The following TBC1D1 variants were observed in gnomAD, a reference collection of about 807,000 sequenced individuals.
TBC1D1 encodes TBC1 (tre-2/USP6, BUB2, cdc16) domain family, member 1.
TBC1D1 carries 89 observed loss-of-function variants against 125.6 expected under a neutral mutation model. The observed-to-expected ratio is 0.71, with a 90% CI of 0.60 to 0.85. The LOEUF (loss-of-function observed/expected upper bound fraction) is 0.85. Ranked by LOEUF, TBC1D1 falls within the 40% of genes least tolerant of loss-of-function variation. The probability of loss-of-function intolerance (pLI) is 0.00; values close to 1 mark genes in which losing one functional copy is unlikely to be tolerated. For synonymous variants in TBC1D1, 565 were observed against 564.1 expected (o/e 1.00, Z -0.02); for missense variants, 1,377 against 1,469.2 (o/e 0.94, Z 1.03).
At chr4:37,951,215 TG>T (rs1444205538) in intron 2 of TBC1D1, among the ~76,000 whole-genome samples, 1 of 152,234 alleles carries the variant, frequency 6.6e-6, no homozygotes, top group Admixed American at 6.5e-5. Flanking sequence ...CGCTATTTAC[TG>T]TATACTGAAA....
chr4:37,915,060 C>G (rs1251065838), intron 2 of TBC1D1, among the ~76,000 whole-genome samples: 1 of 152,268 alleles, frequency 6.6e-6, no homozygotes, highest in Admixed American at 6.5e-5. Flanking sequence ...CCTGCCTGAG[C>G]TCTAAGAGAG....
intron 12 of TBC1D1, among the ~76,000 whole-genome samples, chr4:38,084,909 T>C (rs1397401500): frequency 2.0e-5 from 3 of 152,190 alleles, no homozygotes; most frequent in African/African-American, 7.2e-5. Context: ...GTCGTGTCTT[T>C]AAAAGGAGGA....
chr4:38,135,950 GTGTA>G (rs768141283), intron 19 of TBC1D1, among the ~76,000 whole-genome samples: 62 of 145,784 alleles, frequency 4.3e-4, no homozygotes, highest in African/African-American at 1.1e-3. Flanking sequence ...GTGTGTGTGT[GTGTA>G]TATATGTGTA....
chr4:38,015,456 C>T (rs1211589765), intron 3 of TBC1D1, among the ~76,000 whole-genome samples: 1 of 150,366 alleles, frequency 6.7e-6, no homozygotes, highest in Non-Finnish European at 1.5e-5. Flanking sequence ...TAGCCAATGG[C>T]TTGCTTGCTT....
intron 7 of TBC1D1, among the ~76,000 whole-genome samples, chr4:38,031,202 T>C (rs1301675442): frequency 6.6e-6 from 1 of 152,218 alleles, no homozygotes; most frequent in African/African-American, 2.4e-5. Context: ...ATAAAATATC[T>C]CCAAGTCTAA....
intron 2 of TBC1D1, among the ~76,000 whole-genome samples, chr4:37,923,181 C>T (rs967495403): frequency 6.6e-6 from 1 of 152,052 alleles, no homozygotes. Flanking sequence ...TGTTCAACTC[C>T]CACTTATGAG....
intron 15 of TBC1D1, among the ~76,000 whole-genome samples, chr4:38,104,760 T>A (rs1760981598): frequency 6.7e-6 from 1 of 150,184 alleles, no homozygotes; most frequent in Non-Finnish European, 1.5e-5. Flanking sequence ...TTTTTTTTTT[T>A]AATTTTTTTT....
At chr4:37,957,251 CAT>C (rs563626022) in intron 2 of TBC1D1, among the ~76,000 whole-genome samples, 50 of 152,340 alleles carry the variant, frequency 3.3e-4, no homozygotes, top group Middle Eastern at 3.4e-3. Context: ...TGATATGACA[CAT>C]GTTTTCATTC....
intron 2 of TBC1D1, among the ~76,000 whole-genome samples, chr4:37,993,100 G>T (rs558408470): frequency 6.6e-6 from 1 of 152,038 alleles, no homozygotes; most frequent in African/African-American, 2.4e-5. Flanking sequence ...CACCGCGCCC[G>T]GCCTGGTGAT....
chr4:37,915,245 T>G (rs1026289346), intron 2 of TBC1D1, among the ~76,000 whole-genome samples: 2 of 152,214 alleles, frequency 1.3e-5, no homozygotes, highest in Non-Finnish European at 2.9e-5. Context: ...GCTCCTGTAT[T>G]AGTCAGCATT....
intron 13 of TBC1D1, among the ~76,000 whole-genome samples, chr4:38,092,208 C>T (rs1379116729): frequency 6.6e-6 from 1 of 152,148 alleles, no homozygotes; most frequent in Non-Finnish European, 1.5e-5. Context: ...TAAGTATTCA[C>T]TTAATGTTGC....
intron 10 of TBC1D1, among the ~76,000 whole-genome samples, chr4:38,046,308 C>T (rs1282470703): frequency 1.3e-5 from 2 of 151,384 alleles, no homozygotes; most frequent in Admixed American, 1.3e-4. Context: ...GGAGGCGGAG[C>T]TTGCAGTGAG....
intron 6 of TBC1D1, among the ~76,000 whole-genome samples, chr4:38,026,637 CT>C (rs937405690): frequency 2.0e-5 from 3 of 151,590 alleles, no homozygotes; most frequent in Non-Finnish European, 4.4e-5. Context: ...ATAACCCATG[CT>C]TTTTTTTTCT....
chr4:37,942,216 C>G (rs1229149087), intron 2 of TBC1D1, among the ~76,000 whole-genome samples: 3 of 152,120 alleles, frequency 2.0e-5, no homozygotes, highest in South Asian at 2.1e-4. Context: ...CCTGTATTGG[C>G]TGCATATATA....
At chr4:37,919,373 C>T (rs569777286) in intron 2 of TBC1D1, among the ~76,000 whole-genome samples, 6 of 147,632 alleles carry the variant, frequency 4.1e-5, no homozygotes, top group African/African-American at 1.2e-4. Context: ...TTAATATAGA[C>T]GAGGGTTTCA....
rs1742253172 is a variant in TBC1D1 at position 38,014,636 on chromosome 4, C to T, written c.545C>T (p.Thr182Met). The change falls in exon 3 of 20, where the codon ACG becomes ATG. Residue 182 changes from threonine (T) to methionine (M), a missense_variant. Around this residue, in one of 3 missense-constraint regions of TBC1D1, gnomAD observed 822 missense variants for 824.6 expected, o/e 1.00. Transcript: ENST00000261439. This position sits in a 1 kb window ranked among gnomAD's most constrained non-coding sequence, Gnocchi z 5.1. ...GAGGTGCTCTTCTGCGGCCGCGTGA[C>T]GGTGGCGCACAAGAAGGCTCCGCCG... 6.2e-7 allele frequency: 1 copy of T among 1,613,250 alleles called. No individual in the cohort carries two copies. The highest frequency in any genetic ancestry group is 8.5e-7 in the Non-Finnish European group (1 of 1,180,040).
chr4:38,103,183 T>C, intron 15 of TBC1D1, 26 bp downstream of exon 17: 1 of 1,590,810 alleles, frequency 6.3e-7, no homozygotes, highest in Non-Finnish European at 8.6e-7. Context: ...CGATTGGAGA[T>C]GACAATGGAA....
At chr4:37,975,084 C>T (rs139711444) in intron 2 of TBC1D1, among the ~76,000 whole-genome samples, 53 of 152,152 alleles carry the variant, frequency 3.5e-4, no homozygotes, top group African/African-American at 1.1e-3. Context: ...ATGTGGAGAC[C>T]GGTAGTGGTC....
Position 38,097,910 on chromosome 4 carries a change from T to G in TBC1D1, c.2398+1820T>G, listed in dbSNP as rs180753534. Among the ~76,000 whole-genome samples, 8 of 152,384 alleles carry G rather than the reference T, an allele frequency of 5.2e-5. No individual in the cohort carries two copies. In the East Asian group the frequency reaches 1.5e-3, roughly 29 times the overall value. ...GTAATCATGGGAAGTTATTGTTTGT[T>G]ACGCATTTTCCCTTTCTATGGATAA... On this transcript the variant is annotated intron_variant, in intron 14 of 19. Coordinates refer to ENST00000261439, the MANE Select transcript of TBC1D1 (RefSeq NM_015173.4).
Sources: allele counts gnomAD v4.1 joint callset (sites outside exome capture counted in the v4.1 genomes callset), GRCh38; gene constraint gnomAD v4.1.1; regional missense constraint gnomAD v4.1.1; non-coding constraint Gnocchi (gnomAD v3.1); transcripts MANE v1.5; gene names NCBI Gene and HGNC (gene_info 2026-07-23, HGNC 2026-07-21).